The following PPP4R4 variants were observed in gnomAD, a reference collection of about 807,000 sequenced individuals.
PPP4R4 encodes the protein protein phosphatase 4 regulatory subunit 4, also known as serine/threonine-protein phosphatase 4 regulatory subunit 4.
PPP4R4 carries 70 observed loss-of-function variants against 121.8 expected under a neutral mutation model. The ratio of observed to expected loss-of-function variants is 0.57; its 90% CI spans 0.47 to 0.70. The LOEUF (loss-of-function observed/expected upper bound fraction) is 0.70, where lower values mean the gene tolerates loss of function less well. Ranked by LOEUF, PPP4R4 falls within the 30% of genes least tolerant of loss-of-function variation. The pLI is 0.00. For missense variants in PPP4R4, 875 were observed against 1,033.6 expected (o/e 0.85, Z 2.10); for synonymous variants, 348 against 355.7 (o/e 0.98, Z 0.24).
At chr14:94,227,146 T>C (rs1005240524) in intron 3 of PPP4R4, 2 of 661,590 alleles carry the variant, frequency 3.0e-6, no homozygotes, top group African/African-American at 3.7e-5. Context: ...AAACGTGCCA[T>C]TAACTCTTAA....
chr14:94,231,381 C>A, intron 5 of PPP4R4, 66 bp downstream of exon 5: 1 of 1,359,882 alleles, frequency 7.4e-7, no homozygotes, highest in Non-Finnish European at 1.0e-6. Context: ...TAAAAGGTTT[C>A]TTGTCAAAAA....
chr14:94,229,037 A>C (rs566323670), intron 3 of PPP4R4, among the ~76,000 whole-genome samples: 2 of 152,194 alleles, frequency 1.3e-5, no homozygotes, highest in South Asian at 2.1e-4. Flanking sequence ...CACATACTGT[A>C]AGTCATTAAA....
chr14:94,194,944 T>C (rs533390367), intron 2 of PPP4R4, among the ~76,000 whole-genome samples: 1 of 152,322 alleles, frequency 6.6e-6, no homozygotes, highest in South Asian at 2.1e-4. Context: ...CTTATACTTT[T>C]CTCTAATGTA....
At chr14:94,249,185 T>C (rs1479823214) in intron 14 of PPP4R4, among the ~76,000 whole-genome samples, 2 of 152,010 alleles carry the variant, frequency 1.3e-5, no homozygotes, top group Non-Finnish European at 2.9e-5. Flanking sequence ...TAATATGCTT[T>C]TGTTTAGTTC....
At chr14:94,254,137 T>C (rs1366376956) in intron 16 of PPP4R4, among the ~76,000 whole-genome samples, 1 of 152,210 alleles carries the variant, frequency 6.6e-6, no homozygotes, top group Non-Finnish European at 1.5e-5. Context: ...GTCCCTAATC[T>C]CAAGAATTTG....
intron 21 of PPP4R4, 117 bp downstream of exon 21, chr14:94,265,590 A>G: frequency 1.1e-6 from 1 of 947,572 alleles, no homozygotes; most frequent in Non-Finnish European, 1.6e-6. Flanking sequence ...ATTCTAAAGC[A>G]CTTTTCACCT....
At chr14:94,218,327 C>T (rs989972791) in intron 3 of PPP4R4, among the ~76,000 whole-genome samples, 2 of 151,872 alleles carry the variant, frequency 1.3e-5, no homozygotes, top group Non-Finnish European at 2.9e-5. Flanking sequence ...TAAATGCGTG[C>T]GAGCGCACAC....
intron 2 of PPP4R4, among the ~76,000 whole-genome samples, chr14:94,206,728 T>C (rs1890480203): frequency 6.6e-6 from 1 of 152,006 alleles, no homozygotes; most frequent in Non-Finnish European, 1.5e-5. Context: ...ACCTCTACCC[T>C]GGGCCAGGCA....
chr14:94,193,507 C>G (rs561928420), intron 2 of PPP4R4, among the ~76,000 whole-genome samples: 16 of 152,116 alleles, frequency 1.1e-4, no homozygotes, highest in African/African-American at 3.9e-4. Flanking sequence ...AGCACAATGC[C>G]TGGCTTATAG....
At chr14:94,178,162 C>G (rs1888780316) in intron 2 of PPP4R4, among the ~76,000 whole-genome samples, 1 of 152,022 alleles carries the variant, frequency 6.6e-6, no homozygotes, top group African/African-American at 2.4e-5. Flanking sequence ...TGAACTTTGC[C>G]TCTGTTTAGG....
chr14:94,234,713 G>A (rs1195312672), intron 7 of PPP4R4, 44 bp downstream of exon 7: 2 of 1,304,396 alleles, frequency 1.5e-6, no homozygotes, highest in Non-Finnish European at 2.2e-6. Context: ...ATGAAAACAT[G>A]CCATTGAAAG....
At chr14:94,242,100 T>A in intron 10 of PPP4R4, 143 bp downstream of exon 10, 1 of 1,156,904 alleles carries the variant, frequency 8.6e-7, no homozygotes, top group Non-Finnish European at 1.2e-6. Context: ...GAGTAAATAT[T>A]TGTGAAATTT....
rs575047401 is a variant in PPP4R4 at position 94,214,909 on chromosome 14, A to G, written c.294+6343A>G. Among the ~76,000 whole-genome samples the G allele has an allele frequency of 1.1e-4, 16 of 152,338 alleles. No individual in the cohort carries two copies. The East Asian group carries it at 2.5e-3, about 24-fold the overall frequency. On this transcript the variant is annotated intron_variant, in intron 3 of 24. Transcript: ENST00000304338. ...AGTCAAAACTTAGTTTCATGCACAA[A>G]ATTATTTAAAATATTGTATAAAATT...
chr14:94,183,634 G>A (rs1308850880), intron 2 of PPP4R4, among the ~76,000 whole-genome samples: 2 of 152,146 alleles, frequency 1.3e-5, no homozygotes, highest in Non-Finnish European at 2.9e-5. Flanking sequence ...TCTGTAGAAA[G>A]CAGAATGCTC....
chr14:94,176,258 A>C (rs981724984), intron 2 of PPP4R4, 131 bp downstream of exon 2: 4 of 711,948 alleles, frequency 5.6e-6, no homozygotes, highest in Non-Finnish European at 7.4e-6. Flanking sequence ...TTTTGTGTGC[A>C]TAGTACTTAA....
rs1054684333 is a variant in PPP4R4, at chr14:94,221,897, A to G, written c.295-8690A>G. Among the ~76,000 whole-genome samples, 5 of 152,126 alleles carry G rather than the reference A, an allele frequency of 3.3e-5. No homozygotes were observed. The East Asian group carries it at 7.7e-4, about 23-fold the overall frequency. ...TTTTCATATAAAGTCTTATACATGA[A>G]TGTTCATTGCAGCTTTACTTGTTAT... On this transcript the variant is annotated intron_variant, in intron 3 of 24. Coordinates refer to ENST00000304338, the MANE Select transcript of PPP4R4 (RefSeq NM_058237.2).
intron 2 of PPP4R4, among the ~76,000 whole-genome samples, chr14:94,185,353 A>G (rs992957397): frequency 3.3e-5 from 5 of 152,232 alleles, no homozygotes; most frequent in African/African-American, 1.2e-4. Context: ...AAAAAAATTT[A>G]AGAAATTATC....
chr14:94,249,163 GAAAGA>G (rs1206574349), intron 14 of PPP4R4, among the ~76,000 whole-genome samples: 1 of 151,912 alleles, frequency 6.6e-6, no homozygotes, highest in East Asian at 1.9e-4. Flanking sequence ...TATATAAAAT[GAAAGA>G]AAAGAATAAT....
intron 2 of PPP4R4, among the ~76,000 whole-genome samples, chr14:94,187,631 CT>C (rs552360378): frequency 0.041 from 5,983 of 145,964 alleles, 163 homozygotes; most frequent in African/African-American, 0.088. Flanking sequence ...AGTTTTTTCA[CT>C]TTTTTTTTTT....
Sources: allele counts gnomAD v4.1 joint callset (sites outside exome capture counted in the v4.1 genomes callset), GRCh38; gene constraint gnomAD v4.1.1; transcripts MANE v1.5; gene names NCBI Gene and HGNC (gene_info 2026-07-23, HGNC 2026-07-21).